CYFIP1: variants seen among roughly 807,000 people sequenced by gnomAD.
CYFIP1 encodes the protein cytoplasmic FMR1 interacting protein 1, also known as cytoplasmic FMR1-interacting protein 1.
Under a neutral mutation model 163.5 loss-of-function variants are expected in CYFIP1, and 58 were observed. That is an observed-to-expected ratio of 0.35 (90% CI 0.29 to 0.44). CYFIP1 has a LOEUF of 0.44. Among genes scored for constraint, CYFIP1 ranks in the 20% least tolerant of loss-of-function variants. The pLI is 1.00. For synonymous variants in CYFIP1, 663 were observed against 660.7 expected (o/e 1.00, Z -0.05); for missense variants, 1,338 against 1,653.8 (o/e 0.81, Z 3.31).
intron 13 of CYFIP1, among the ~76,000 whole-genome samples, chr15:22,925,718 C>T (rs1479812066): frequency 3.3e-5 from 5 of 152,166 alleles, no homozygotes; most frequent in African/African-American, 1.2e-4. Context: ...TTTCACCTCC[C>T]TTCCCCGCAC....
At chr15:22,870,316 C>CTGTT in intron 30 of CYFIP1, 124 bp from the exon 31 acceptor site, 2 of 1,216,300 alleles carry the variant, frequency 1.6e-6, no homozygotes, top group Non-Finnish European at 2.3e-6. Context: ...GACACACATA[C>CTGTT]TGTTCTTTTT....
In CYFIP1 at chr15:22,904,400, G is replaced by A. The variant is rs532906614; in HGVS notation, c.2389-495C>T. The A allele has an allele frequency of 8.5e-3, 1,691 of 198,426 alleles. 7 individuals carry two copies. The highest frequency in any genetic ancestry group is 0.013 in the Non-Finnish European group (1,246 of 95,492). The allele number at this position is 198,426 out of a possible 1,614,324, so 12.3% of individuals were successfully genotyped here. A position where few individuals can be genotyped will look rare whatever the true frequency, so the allele number is the denominator to read the frequency against. ...GTGCGCTGCTCTGGAGCTCGCCCAG[G>A]CTGCACTGTCCGATGTGGCAGCCGG... On this transcript the variant is annotated intron_variant, in intron 21 of 30. Transcript: ENST00000617928.
intron 26 of CYFIP1, among the ~76,000 whole-genome samples, chr15:22,878,186 G>C (rs2059639148): frequency 1.3e-5 from 2 of 152,212 alleles, no homozygotes; most frequent in African/African-American, 4.8e-5. Context: ...CAGGGTATGT[G>C]GTGAACCAAT....
intron 1 of CYFIP1, among the ~76,000 whole-genome samples, chr15:22,949,289 G>A (rs78539960): frequency 0.011 from 876 of 81,210 alleles, 6 homozygotes; most frequent in African/African-American, 0.038. Context: ...GGGACCAGGC[G>A]GGCCGGAAGG....
At chr15:22,879,881 G>A (rs1295113087) in intron 26 of CYFIP1, 32 bp downstream of exon 26, 3 of 1,555,746 alleles carry the variant, frequency 1.9e-6, no homozygotes, top group Non-Finnish European at 2.6e-6. Flanking sequence ...GTGGGCTGGG[G>A]CGGGGAGGGG....
chr15:22,928,938 G>A (rs1345862844), intron 11 of CYFIP1, among the ~76,000 whole-genome samples: 1 of 151,896 alleles, frequency 6.6e-6, no homozygotes, highest in East Asian at 1.9e-4. Flanking sequence ...CTGAGTGAGG[G>A]GCCCGGTGCG....
At chr15:22,901,038 A>G (rs2060378439) in intron 22 of CYFIP1, among the ~76,000 whole-genome samples, 1 of 151,744 alleles carries the variant, frequency 6.6e-6, no homozygotes, top group Non-Finnish European at 1.5e-5. Flanking sequence ...CCCTGTCTCT[A>G]TTAAAATTAT....
At chr15:22,923,003 A>T (rs2061238352) in intron 13 of CYFIP1, among the ~76,000 whole-genome samples, 1 of 152,144 alleles carries the variant, frequency 6.6e-6, no homozygotes, top group Non-Finnish European at 1.5e-5. Context: ...AAAAAGAAAA[A>T]AAAAAAAGAC....
intron 26 of CYFIP1, among the ~76,000 whole-genome samples, chr15:22,878,369 G>A (rs1595496457): frequency 1.3e-5 from 2 of 152,114 alleles, no homozygotes; most frequent in East Asian, 3.9e-4. Flanking sequence ...GTGGCAGAAA[G>A]CCAGGAGACA....
intron 22 of CYFIP1, among the ~76,000 whole-genome samples, chr15:22,900,690 G>A (rs1047366164): frequency 4.0e-5 from 6 of 150,950 alleles, no homozygotes; most frequent in Non-Finnish European, 8.9e-5. Flanking sequence ...ATGAGCCACC[G>A]TGCCTGGCCG....
chr15:22,969,380 C>A (rs1274757297), intron 1 of CYFIP1, among the ~76,000 whole-genome samples: 2 of 152,138 alleles, frequency 1.3e-5, no homozygotes, highest in Non-Finnish European at 2.9e-5. Flanking sequence ...AAAACAAATG[C>A]CCAGTGAGCT....
At chr15:22,914,525 A>G (rs1230156171) in intron 17 of CYFIP1, among the ~76,000 whole-genome samples, 3 of 152,008 alleles carry the variant, frequency 2.0e-5, no homozygotes, top group Non-Finnish European at 4.4e-5. Context: ...TTTCTGTGGT[A>G]AAGCAATCCT....
rs553732550 is a variant in CYFIP1 at position 22,869,380 on chromosome 15, C to T, written c.*648G>A. ...CCTCAGCCTTAGAGGTGACCTCCATCCCAGCTGGCCTGGTATGTGAGTTCA... is the reference window on the plus strand; with the variant it reads ...CCTCAGCCTTAGAGGTGACCTCCATTCCAGCTGGCCTGGTATGTGAGTTCA... On this transcript the variant is annotated 3_prime_UTR_variant, in exon 31 of 31. Coordinates refer to ENST00000617928, the MANE Select transcript of CYFIP1 (RefSeq NM_014608.6). 3 of 152,332 alleles carry T rather than the reference C, an allele frequency of 2.0e-5. No homozygotes were observed. In the East Asian group the frequency reaches 5.8e-4, roughly 29 times the overall value. The allele number at this position is 152,332 out of a possible 1,614,324, so 9.4% of individuals were successfully genotyped here.
At chr15:22,948,320 T>C (rs557154773) in intron 1 of CYFIP1, among the ~76,000 whole-genome samples, 25 of 151,844 alleles carry the variant, frequency 1.6e-4, no homozygotes, top group African/African-American at 5.8e-4. Flanking sequence ...CCCCAAACCC[T>C]GAGACCACAG....
chr15:22,930,142 A>G (rs1423416938), intron 11 of CYFIP1, among the ~76,000 whole-genome samples: 1 of 151,866 alleles, frequency 6.6e-6, no homozygotes, highest in Non-Finnish European at 1.5e-5. Flanking sequence ...GTGGATCACC[A>G]GGTCAGGAGA....
intron 21 of CYFIP1, among the ~76,000 whole-genome samples, 194 bp downstream of exon 21, chr15:22,909,000 G>A (rs8024350): frequency 0.014 from 1,607 of 118,604 alleles, 41 homozygotes; most frequent in African/African-American, 0.052. Flanking sequence ...GGCCACGCCC[G>A]ATGAGTGCAT....
chr15:22,957,156 G>A (rs1266375457), intron 1 of CYFIP1, among the ~76,000 whole-genome samples: 3 of 152,246 alleles, frequency 2.0e-5, no homozygotes, highest in Admixed American at 1.3e-4. Context: ...GTGGAGAGAT[G>A]CTTTGCTAGA....
chr15:22,912,295 T>G lies in CYFIP1; in HGVS notation c.1986-20A>C, dbSNP rs1023280097. The G allele has an allele frequency of 6.3e-7, 1 of 1,580,976 alleles. No homozygotes were observed. The highest frequency in any genetic ancestry group is 8.6e-7 in the Non-Finnish European group (1 of 1,159,606). ...ACGTACCTGCAGAGGACAGCAGCAG[T>G]GTGACCAGCAGCCTCTGCCACTCAC... On this transcript the variant is annotated intron_variant, in intron 17 of 30. Transcript: ENST00000617928.
chr15:22,897,502 T>G (rs1235072782), intron 22 of CYFIP1, among the ~76,000 whole-genome samples: 1 of 151,794 alleles, frequency 6.6e-6, no homozygotes, highest in African/African-American at 2.4e-5. Context: ...TTTGTGTTGT[T>G]TTTTAAAGAT....
Sources: gnomAD v4.1 joint callset for allele counts (sites outside exome capture counted in the v4.1 genomes callset) on GRCh38, gnomAD v4.1.1 for gene constraint, MANE v1.5 for transcripts, NCBI Gene and HGNC (gene_info 2026-07-23, HGNC 2026-07-21) for gene names.